The following R3HCC1L variants were observed in gnomAD, a reference collection of about 807,000 sequenced individuals.
R3HCC1L encodes the protein R3H domain and coiled-coil containing 1 like.
Under a neutral mutation model 59.9 loss-of-function variants are expected in R3HCC1L, and 51 were observed. That is an observed-to-expected ratio of 0.85 (90% CI 0.68 to 1.07). The LOEUF is 1.07. Ranked by LOEUF, R3HCC1L falls within the 50% of genes least tolerant of loss-of-function variation. The pLI is 0.00. For missense variants in R3HCC1L, 965 were observed against 933.0 expected, an observed-to-expected ratio of 1.03 and a Z score of -0.45; for synonymous variants, 322 against 315.2, an observed-to-expected ratio of 1.02 and a Z score of -0.23.
Position 98,209,895 on chromosome 10 carries a change from A to C in R3HCC1L, c.1781A>C (p.Gln594Pro). The C allele has an allele frequency of 6.2e-7, 1 of 1,606,436 alleles. No homozygotes were observed. The highest frequency in any genetic ancestry group is 8.5e-7 in the Non-Finnish European group (1 of 1,174,794). Residue 594 changes from glutamine to proline, a missense_variant, in exon 5 of 10, where the codon CAA (glutamine) becomes CCA (proline). By Grantham distance (76) the Gln-to-Pro change is moderately conservative (BLOSUM62 -1). Coordinates refer to ENST00000298999, the MANE Select transcript of R3HCC1L (RefSeq NM_001351015.2). ...GACTGCCTGGATCCACGTCTTCTAC[A>C]AGAGGTATGTTTAATTGAAATTGCT... ...DGDCLDPRLLQELSGNTKSRE... is the reference protein window; with the variant it reads ...DGDCLDPRLLPELSGNTKSRE...
At chr10:98,213,785 A>G (rs1345518351) in intron 5 of R3HCC1L, among the ~76,000 whole-genome samples, 1 of 152,156 alleles carries the variant, frequency 6.6e-6, no homozygotes, top group Non-Finnish European at 1.5e-5. Context: ...TTTTCACAAT[A>G]TCTTTTAAAA....
chr10:98,134,994 G>C (rs971599564), intron 1 of R3HCC1L, among the ~76,000 whole-genome samples: 6 of 152,170 alleles, frequency 3.9e-5, no homozygotes, highest in Admixed American at 6.5e-5. Context: ...GATCCTGGCG[G>C]AAAGGACGTG....
intron 9 of R3HCC1L, among the ~76,000 whole-genome samples, chr10:98,240,369 A>G (rs923734382): frequency 6.6e-6 from 1 of 152,220 alleles, no homozygotes; most frequent in Non-Finnish European, 1.5e-5. Flanking sequence ...CCCATGTTCC[A>G]CTCATCCAGA....
Position 98,174,609 on chromosome 10 carries a change from G to T in R3HCC1L, c.-15+11212G>T, listed in dbSNP as rs894277645. The T allele has an allele frequency of 4.6e-5, 45 of 985,094 alleles. No homozygotes were observed. In the African/African-American group the frequency reaches 7.5e-4, roughly 16 times the overall value. The allele number at this position is 985,094 out of a possible 1,614,324, so 61.0% of individuals were successfully genotyped here. ...TCTCAGTTTAAACACAACTCATTTA[G>T]GAGGGCGTTAGACATTATCAAGGAG... On this transcript the variant is annotated intron_variant, in intron 4 of 9. Transcript: ENST00000298999.
intron 5 of R3HCC1L, among the ~76,000 whole-genome samples, chr10:98,218,676 GTC>G (rs980660049): frequency 6.6e-6 from 1 of 152,088 alleles, no homozygotes; most frequent in African/African-American, 2.4e-5. Context: ...TTCCAGTAAT[GTC>G]TGTTAGGTCC....
intron 2 of R3HCC1L, among the ~76,000 whole-genome samples, chr10:98,160,233 C>T (rs181346294): frequency 1.2e-3 from 181 of 152,238 alleles, no homozygotes; most frequent in African/African-American, 3.2e-3. Context: ...TAGTGTTTTT[C>T]GTTTAGCCTA....
chr10:98,223,619 C>T (rs150933121), intron 5 of R3HCC1L, among the ~76,000 whole-genome samples: 1 of 151,884 alleles, frequency 6.6e-6, no homozygotes, highest in East Asian at 1.9e-4. Context: ...AGCATAGTTT[C>T]TGTATGATAT....
rs757820739 is a variant in R3HCC1L at position 98,231,536 on chromosome 10, G to GAGAGC, written c.1812_1816dup (p.Ile606ArgfsTer66). ...GTTATCAGGGAATACCAAGAGCAGA[G>GAGAGC]AGAGCATCCAGGAACCTAGATCTGA... On this transcript the variant is annotated frameshift_variant, in exon 6 of 10. Coordinates refer to ENST00000298999, the MANE Select transcript of R3HCC1L (RefSeq NM_001351015.2). LOFTEE classifies it high-confidence loss of function. 40 of 1,612,812 alleles carry GAGAGC rather than the reference G, an allele frequency of 2.5e-5. No homozygotes were observed. Among genetic ancestry groups the GAGAGC allele is most frequent in the Non-Finnish European group, 3.3e-5 (39 of 1,179,634 alleles).
At chr10:98,151,279 G>T (rs1285357020) in intron 1 of R3HCC1L, among the ~76,000 whole-genome samples, 3 of 152,188 alleles carry the variant, frequency 2.0e-5, no homozygotes, top group African/African-American at 7.2e-5. Flanking sequence ...AAGAGGCTGG[G>T]TTCTGGAGAC....
intron 6 of R3HCC1L, among the ~76,000 whole-genome samples, chr10:98,232,425 A>C (rs1856501972): frequency 6.6e-6 from 1 of 152,226 alleles, no homozygotes; most frequent in African/African-American, 2.4e-5. Flanking sequence ...CACTTGCACT[A>C]ACCCTTGGTA....
rs745768982 is a variant in R3HCC1L at position 98,209,098 on chromosome 10, A to T, written c.984A>T (p.Val328=). The T allele has an allele frequency of 2.3e-5, 37 of 1,613,992 alleles. No homozygotes were observed. Among genetic ancestry groups the T allele is most frequent in the Non-Finnish European group, 3.0e-5 (35 of 1,180,006 alleles). The change falls in exon 5 of 10, where the codon GTA becomes GTT. Residue 328 remains valine (V), a synonymous_variant. Transcript: ENST00000298999. ...GCACAAATGACACTGTTAGTCCAGT[A>T]ATGATTAGAGAATGTGAGAAGAATG... ...SESTNDTVSP[V]MIRECEKNDS...
intron 9 of R3HCC1L, among the ~76,000 whole-genome samples, chr10:98,237,073 C>T (rs1017377425): frequency 2.6e-5 from 4 of 152,178 alleles, no homozygotes; most frequent in African/African-American, 2.4e-5. Flanking sequence ...AGGCAGCTTG[C>T]GGACTCCCAG....
In R3HCC1L at chr10:98,244,281, G is replaced by A. The variant is rs150048180; in HGVS notation, c.*123G>A. On this transcript the variant is annotated 3_prime_UTR_variant, in exon 10 of 10. Coordinates refer to ENST00000298999, the MANE Select transcript of R3HCC1L (RefSeq NM_001351015.2). ...TGCATGTTAAAGAGATAAAGTGATCGAGACAAGGACTGACTGGGTATAGAA... is the reference window on the plus strand; with the variant it reads ...TGCATGTTAAAGAGATAAAGTGATCAAGACAAGGACTGACTGGGTATAGAA... 1.5e-4 allele frequency: 142 copies of A among 927,508 alleles called. 3 individuals carry two copies. In the Admixed American group the frequency reaches 1.6e-3, roughly 10 times the overall value. The allele number at this position is 927,508 out of a possible 1,614,324, so 57.5% of individuals were successfully genotyped here.
intron 4 of R3HCC1L, chr10:98,174,371 A>T (rs1848794984): frequency 2.3e-6 from 1 of 430,496 alleles, no homozygotes; most frequent in Non-Finnish European, 3.1e-6. Context: ...GAATTAATTT[A>T]AAATTAGTAT....
At chr10:98,179,439 C>T (rs61875274) in intron 4 of R3HCC1L, among the ~76,000 whole-genome samples, 2 of 151,938 alleles carry the variant, frequency 1.3e-5, no homozygotes, top group Admixed American at 6.6e-5. Context: ...GATAAGCTTT[C>T]TGATGTGCTG....
chr10:98,212,338 G>C (rs1031891241), intron 5 of R3HCC1L, among the ~76,000 whole-genome samples: 1 of 152,114 alleles, frequency 6.6e-6, no homozygotes, highest in African/African-American at 2.4e-5. Context: ...TATCATCCCA[G>C]CTGGCCTGTT....
intron 5 of R3HCC1L, among the ~76,000 whole-genome samples, chr10:98,223,195 C>T (rs1005261666): frequency 2.6e-5 from 4 of 152,230 alleles, no homozygotes; most frequent in South Asian, 2.1e-4. Context: ...TTTATGAGGC[C>T]AGCATCATTT....
chr10:98,228,703 T>C (rs978504127), intron 5 of R3HCC1L, among the ~76,000 whole-genome samples: 3 of 152,354 alleles, frequency 2.0e-5, no homozygotes, highest in South Asian at 2.1e-4. Context: ...CTTCTAGGGT[T>C]TTTATGGTTT....
rs543349483 is a variant in R3HCC1L at position 98,200,750 on chromosome 10, T to G, written c.-14-7351T>G. Among the ~76,000 whole-genome samples the G allele has an allele frequency of 3.3e-5, 5 of 152,264 alleles. No homozygotes were observed. In the East Asian group the frequency reaches 9.6e-4, roughly 29 times the overall value. On this transcript the variant is annotated intron_variant, in intron 4 of 9. Transcript: ENST00000298999. ...AAGAACTTACTGTGAATAACTTTTATATCAAATTTGAAAAGCTAGGTCAAA... is the reference window on the plus strand; with the variant it reads ...AAGAACTTACTGTGAATAACTTTTAGATCAAATTTGAAAAGCTAGGTCAAA...
Sources: gnomAD v4.1 joint callset for allele counts (sites outside exome capture counted in the v4.1 genomes callset) on GRCh38, gnomAD v4.1.1 for gene constraint, MANE v1.5 for transcripts, NCBI Gene and HGNC (gene_info 2026-07-23, HGNC 2026-07-21) for gene names.